The following ATE1 variants were observed in gnomAD, a reference collection of about 807,000 sequenced individuals.
The protein encoded by ATE1 is arginyl-tRNA--protein transferase 1.
In ATE1, 36 loss-of-function variants were observed where a neutral mutation model predicts 70.5. The observed-to-expected ratio is 0.51, with a 90% confidence interval of 0.39 to 0.67. The LOEUF is 0.67. ATE1 is among the 30% of genes least tolerant of loss of function. ATE1 has a pLI of 0.00. For missense variants in ATE1, 593 were observed against 629.5 expected, an observed-to-expected ratio of 0.94 and a Z score of 0.62; for synonymous variants, 232 against 219.3, an observed-to-expected ratio of 1.06 and a Z score of -0.51.
At chr10:121,799,964 T>G (rs1452560370) in intron 10 of ATE1, among the ~76,000 whole-genome samples, 1 of 152,220 alleles carries the variant, frequency 6.6e-6, no homozygotes, top group Non-Finnish European at 1.5e-5. Context: ...CAACCCCTTT[T>G]TAAACAAATC....
intron 10 of ATE1, among the ~76,000 whole-genome samples, chr10:121,798,950 G>C (rs1946767925): frequency 2.0e-5 from 2 of 100,438 alleles, no homozygotes; most frequent in South Asian, 7.3e-4. Flanking sequence ...CTACTGTATA[G>C]ATAAAACAAT....
intron 1 of ATE1, among the ~76,000 whole-genome samples, chr10:121,924,699 CAAA>C (rs374852378): frequency 2.3e-5 from 2 of 86,428 alleles, no homozygotes; most frequent in Admixed American, 1.2e-4. Context: ...GACTCCATCT[CAAA>C]AAAAAAAAAA....
chr10:121,926,167 C>T (rs1036906550), intron 1 of ATE1, among the ~76,000 whole-genome samples: 2 of 152,084 alleles, frequency 1.3e-5, no homozygotes, highest in Admixed American at 6.6e-5. Context: ...AAAGATTGTG[C>T]CACTGAACTC....
intron 3 of ATE1, among the ~76,000 whole-genome samples, chr10:121,919,866 C>A (rs374393584): frequency 6.6e-5 from 10 of 151,854 alleles, no homozygotes; most frequent in African/African-American, 2.4e-4. Flanking sequence ...CCACTGCACT[C>A]CAGCCTGGGT....
chr10:121,877,447 A>G (rs184566822), intron 7 of ATE1, among the ~76,000 whole-genome samples: 15 of 152,286 alleles, frequency 9.8e-5, no homozygotes, highest in African/African-American at 3.6e-4. Context: ...TTCCAAAATA[A>G]TATTTTCCTA....
intron 3 of ATE1, among the ~76,000 whole-genome samples, chr10:121,921,950 G>A (rs1951899838): frequency 1.2e-4 from 18 of 152,172 alleles, no homozygotes; most frequent in Admixed American, 1.1e-3. Flanking sequence ...ATTTATAGGA[G>A]CCTGTAGCAT....
At chr10:121,803,179 A>C (rs1398380452) in intron 10 of ATE1, among the ~76,000 whole-genome samples, 1 of 152,176 alleles carries the variant, frequency 6.6e-6, no homozygotes, top group Non-Finnish European at 1.5e-5. Flanking sequence ...CTGGGAGTAC[A>C]TCAATTTCTT....
intron 11 of ATE1, among the ~76,000 whole-genome samples, chr10:121,757,558 G>C (rs1018636694): frequency 6.6e-6 from 1 of 152,202 alleles, no homozygotes; most frequent in African/African-American, 2.4e-5. Flanking sequence ...CATGACTGGG[G>C]AAGCCTCACA....
chr10:121,902,660 T>C (rs1564946348), intron 5 of ATE1, 40 bp from the exon 6 acceptor site: 3 of 1,539,348 alleles, frequency 1.9e-6, no homozygotes, highest in Non-Finnish European at 2.6e-6. Flanking sequence ...TCACATTTGG[T>C]TCTAGAAAAG....
chr10:121,886,358 C>A (rs922024505), intron 7 of ATE1, among the ~76,000 whole-genome samples: 3 of 151,842 alleles, frequency 2.0e-5, no homozygotes, highest in Non-Finnish European at 4.4e-5. Context: ...CAATTCCCCC[C>A]ACATCTGTGT....
intron 11 of ATE1, among the ~76,000 whole-genome samples, chr10:121,775,187 T>C (rs1945683606): frequency 6.6e-6 from 1 of 152,192 alleles, no homozygotes. Flanking sequence ...ACTATCTAGT[T>C]GAGGACATAA....
In ATE1 at chr10:121,794,682, G is replaced by T. The variant is rs201458938; in HGVS notation, c.1258-4393C>A. On this transcript the variant is annotated intron_variant, in intron 10 of 11. Coordinates refer to ENST00000224652, the MANE Select transcript of ATE1 (RefSeq NM_001001976.3). ...CTGGTAAAAAAAAAAAAAAAAAAAAGAACATATGTATCATCTCAAAAAACA... is the reference window on the plus strand; with the variant it reads ...CTGGTAAAAAAAAAAAAAAAAAAAATAACATATGTATCATCTCAAAAAACA... 4.2e-4 allele frequency among the ~76,000 whole-genome samples: 20 copies of T among 47,628 alleles called. No individual in the cohort carries two copies. The East Asian group carries it at 9.8e-3, about 23-fold the overall frequency. The allele number at this position is 47,628 out of a possible 152,430, so 31.2% of individuals were successfully genotyped here. A position where few individuals can be genotyped will look rare whatever the true frequency, so the allele number is the denominator to read the frequency against.
At chr10:121,773,296 C>G (rs7919514) in intron 11 of ATE1, among the ~76,000 whole-genome samples, 2 of 152,226 alleles carry the variant, frequency 1.3e-5, no homozygotes, top group Non-Finnish European at 2.9e-5. Context: ...TGTAGGAGAC[C>G]CTATCATAAA....
At chr10:121,787,808 C>A (rs1166649065) in intron 11 of ATE1, among the ~76,000 whole-genome samples, 1 of 152,104 alleles carries the variant, frequency 6.6e-6, no homozygotes, top group Admixed American at 6.5e-5. Flanking sequence ...ATTTTAAAAT[C>A]TATTAACATG....
chr10:121,927,569 C>A, intron 1 of ATE1: 5 of 981,904 alleles, frequency 5.1e-6, no homozygotes, highest in Non-Finnish European at 6.0e-6. Flanking sequence ...TCCTTCACCT[C>A]ACACAATCTA....
chr10:121,841,666 A>G (rs1205587486), intron 8 of ATE1, among the ~76,000 whole-genome samples: 1 of 152,202 alleles, frequency 6.6e-6, no homozygotes, highest in African/African-American at 2.4e-5. Flanking sequence ...TCACCCAGGA[A>G]TGGAACACCA....
At chr10:121,854,980 A>G (rs891416772) in intron 8 of ATE1, among the ~76,000 whole-genome samples, 1 of 152,216 alleles carries the variant, frequency 6.6e-6, no homozygotes, top group African/African-American at 2.4e-5. Flanking sequence ...TGCACAACCA[A>G]GAGAAGCTGT....
intron 10 of ATE1, among the ~76,000 whole-genome samples, chr10:121,817,336 C>G (rs937597585): frequency 6.6e-6 from 1 of 152,126 alleles, no homozygotes. Context: ...GTCAGGAGAT[C>G]GAGACCACGG....
At chr10:121,900,866 A>T (rs1590672596) in intron 6 of ATE1, among the ~76,000 whole-genome samples, 1 of 152,230 alleles carries the variant, frequency 6.6e-6, no homozygotes, top group East Asian at 1.9e-4. Context: ...ATGATCAAAG[A>T]TAAAAGACAC....
Sources: allele counts gnomAD v4.1 joint callset (sites outside exome capture counted in the v4.1 genomes callset), GRCh38; gene constraint gnomAD v4.1.1; transcripts MANE v1.5; gene names NCBI Gene and HGNC (gene_info 2026-07-23, HGNC 2026-07-21).